Variants in DNAH11 observed in about 807,000 individuals in gnomAD.
DNAH11 encodes the protein axonemal beta dynein heavy chain 11.
In DNAH11, 442 loss-of-function variants were observed where a neutral mutation model predicts 526.0. The observed-to-expected ratio is 0.84, with a 90% CI of 0.78 to 0.91. The LOEUF (loss-of-function observed/expected upper bound fraction) is 0.91, where lower values mean the gene tolerates loss of function less well. Ranked by LOEUF, DNAH11 falls within the 40% of genes least tolerant of loss-of-function variation. The pLI, the probability that DNAH11 is intolerant of heterozygous loss-of-function variation, is 0.00. For missense variants in DNAH11, 6,989 were observed against 5,448.7 expected (o/e 1.28, Z -8.90); for synonymous variants, 2,461 against 1,935.9 (o/e 1.27, Z -7.12).
chr7:21,604,248 C>G (rs1459437794), intron 18 of DNAH11, among the ~76,000 whole-genome samples: 1 of 152,178 alleles, frequency 6.6e-6, no homozygotes, highest in Non-Finnish European at 1.5e-5. Flanking sequence ...AGATCTTTGT[C>G]CTGTTGGAGC....
At chr7:21,575,634 A>G (rs1182142129) in intron 8 of DNAH11, among the ~76,000 whole-genome samples, 2 of 152,316 alleles carry the variant, frequency 1.3e-5, no homozygotes, top group Non-Finnish European at 2.9e-5. Flanking sequence ...TGGAAAGGTA[A>G]CATCTGTAAA....
chr7:21,711,997 C>A, intron 42 of DNAH11, 137 bp downstream of exon 42: 1 of 1,044,950 alleles, frequency 9.6e-7, no homozygotes, highest in African/African-American at 1.6e-5. Context: ...TTTTATCTTC[C>A]CAAAGTGACA....
chr7:21,761,385 A>G (rs1352627341), intron 54 of DNAH11, among the ~76,000 whole-genome samples: 2 of 151,988 alleles, frequency 1.3e-5, no homozygotes, highest in Non-Finnish European at 1.5e-5. Flanking sequence ...TTTAGATTAC[A>G]TGTAATTATT....
At chr7:21,865,478 A>G (rs1197447805) in intron 70 of DNAH11, among the ~76,000 whole-genome samples, 1 of 152,206 alleles carries the variant, frequency 6.6e-6, no homozygotes, top group African/African-American at 2.4e-5. Context: ...AGTATGGGCA[A>G]GAAGGATTAG....
At chr7:21,724,108 A>G (rs1018014949) in intron 44 of DNAH11, among the ~76,000 whole-genome samples, 5 of 152,244 alleles carry the variant, frequency 3.3e-5, no homozygotes, top group Non-Finnish European at 7.3e-5. Flanking sequence ...CACCAAAATC[A>G]TTTTGCCTAT....
chr7:21,654,483 T>A (rs1781925458), intron 28 of DNAH11, among the ~76,000 whole-genome samples: 1 of 152,240 alleles, frequency 6.6e-6, no homozygotes, highest in Admixed American at 6.5e-5. Flanking sequence ...TATCCATTCA[T>A]CATTTGATGG....
chr7:21,631,478 C>G (rs773735133), intron 25 of DNAH11, among the ~76,000 whole-genome samples: 3 of 152,172 alleles, frequency 2.0e-5, no homozygotes, highest in African/African-American at 7.2e-5. Flanking sequence ...CCTGTAAAAT[C>G]AAAAGCAAGT....
chr7:21,746,241 C>G (rs1043578559), intron 51 of DNAH11, among the ~76,000 whole-genome samples: 16 of 152,076 alleles, frequency 1.1e-4, no homozygotes, highest in African/African-American at 3.9e-4. Flanking sequence ...GTCATTGACA[C>G]CAGCAGGAAG....
intron 7 of DNAH11, among the ~76,000 whole-genome samples, chr7:21,570,916 A>T (rs1169433622): frequency 6.6e-6 from 1 of 151,868 alleles, no homozygotes; most frequent in East Asian, 1.9e-4. Context: ...AATTGATGAC[A>T]CTGCCTTATT....
At chr7:21,614,814 A>G (rs1303933134) in intron 20 of DNAH11, among the ~76,000 whole-genome samples, 1 of 152,208 alleles carries the variant, frequency 6.6e-6, no homozygotes, top group Non-Finnish European at 1.5e-5. Context: ...AGCTCTCGGT[A>G]CAAAAACCAA....
chr7:21,825,846 C>T lies in DNAH11; in HGVS notation c.10691+7507C>T, dbSNP rs552012769. ...TAGTAGCGGGTGCCTGTAGTCCCAGCTACTCGGGAGGCTGAGGCAGGAGAA... is the reference window on the plus strand; with the variant it reads ...TAGTAGCGGGTGCCTGTAGTCCCAGTTACTCGGGAGGCTGAGGCAGGAGAA... On this transcript the variant is annotated intron_variant, in intron 65 of 81. Transcript: ENST00000409508. Among the ~76,000 whole-genome samples the T allele has an allele frequency of 4.0e-5, 6 of 151,854 alleles. No homozygotes were observed. In the East Asian group the frequency reaches 1.2e-3, roughly 29 times the overall value.
chr7:21,849,122 T>G (rs147317059), intron 66 of DNAH11, among the ~76,000 whole-genome samples: 1 of 152,176 alleles, frequency 6.6e-6, no homozygotes, highest in Non-Finnish European at 1.5e-5. Flanking sequence ...TGACCTCAGG[T>G]GTTCCACCTG....
chr7:21,623,729 A>G (rs1786192559), intron 25 of DNAH11, among the ~76,000 whole-genome samples: 1 of 150,848 alleles, frequency 6.6e-6, no homozygotes, highest in Non-Finnish European at 1.5e-5. Context: ...AAAACCAAGC[A>G]CTGCATGTTC....
At chr7:21,661,351 A>G (rs2128466577) in intron 30 of DNAH11, among the ~76,000 whole-genome samples, 1 of 152,124 alleles carries the variant, frequency 6.6e-6, no homozygotes, top group South Asian at 2.1e-4. Flanking sequence ...GAGTTTGTGC[A>G]GTGGTGAATT....
chr7:21,695,099 C>A (rs1406354770), intron 35 of DNAH11, among the ~76,000 whole-genome samples: 1 of 152,122 alleles, frequency 6.6e-6, no homozygotes, highest in Non-Finnish European at 1.5e-5. Flanking sequence ...AGAGAGGACA[C>A]AAACAAATAG....
At chr7:21,737,082 G>A (rs1785649471) in intron 46 of DNAH11, among the ~76,000 whole-genome samples, 1 of 152,194 alleles carries the variant, frequency 6.6e-6, no homozygotes, top group Non-Finnish European at 1.5e-5. Flanking sequence ...AATAGAAAGA[G>A]CTGTAGTTGT....
intron 37 of DNAH11, among the ~76,000 whole-genome samples, chr7:21,704,190 A>G (rs1011210479): frequency 6.6e-6 from 1 of 152,226 alleles, no homozygotes; most frequent in South Asian, 2.1e-4. Flanking sequence ...TTGGCAGGGA[A>G]GGAAAAGGCC....
intron 25 of DNAH11, 112 bp downstream of exon 25, chr7:21,620,190 A>C (rs964235693): frequency 3.1e-6 from 3 of 978,070 alleles, no homozygotes; most frequent in Non-Finnish European, 4.3e-6. Context: ...ATGTGGAAAG[A>C]TTAAATCAGG....
intron 43 of DNAH11, 22 bp from the exon 44 acceptor site, chr7:21,720,703 T>C (rs1410191562): frequency 6.5e-7 from 1 of 1,536,468 alleles, no homozygotes; most frequent in African/African-American, 1.4e-5. Context: ...GTTGCCTTAT[T>C]TGACTATTTC....
Sources: gnomAD v4.1 joint callset for allele counts (sites outside exome capture counted in the v4.1 genomes callset) on GRCh38, gnomAD v4.1.1 for gene constraint, MANE v1.5 for transcripts, NCBI Gene and HGNC (gene_info 2026-07-23, HGNC 2026-07-21) for gene names.